ITGB6: variants seen among roughly 807,000 people sequenced by gnomAD.
ITGB6 encodes the protein integrin beta-6.
A neutral mutation model predicts 84.5 loss-of-function variants in ITGB6; 80 were observed. That is an observed-to-expected ratio of 0.95 (90% confidence interval 0.79 to 1.14). The LOEUF (loss-of-function observed/expected upper bound fraction) is 1.14, where lower values mean the gene tolerates loss of function less well. ITGB6 is among the 50% of genes most tolerant of loss of function. The probability of loss-of-function intolerance (pLI) is 0.00; values close to 1 mark genes in which losing one functional copy is unlikely to be tolerated. For missense variants in ITGB6, 1,006 were observed against 968.0 expected (o/e 1.04, Z -0.52); for synonymous variants, 383 against 354.9 (o/e 1.08, Z -0.89).
intron 12 of ITGB6, among the ~76,000 whole-genome samples, chr2:160,114,287 C>A (rs866615981): frequency 6.6e-6 from 1 of 152,126 alleles, no homozygotes; most frequent in Non-Finnish European, 1.5e-5. Context: ...AAATGTGCAA[C>A]GACAGATTTG....
chr2:160,129,891 T>C (rs896043127), intron 10 of ITGB6, among the ~76,000 whole-genome samples: 3 of 152,120 alleles, frequency 2.0e-5, no homozygotes, highest in Admixed American at 1.3e-4. Flanking sequence ...TCTGTAGGTA[T>C]GTGTGTGCAT....
intron 7 of ITGB6, among the ~76,000 whole-genome samples, chr2:160,159,905 T>C (rs989168666): frequency 6.6e-6 from 1 of 152,226 alleles, no homozygotes; most frequent in African/African-American, 2.4e-5. Flanking sequence ...TTCTCGTCTA[T>C]TTCCCCCTAC....
At chr2:160,144,225 G>A (rs1414493469) in intron 7 of ITGB6, among the ~76,000 whole-genome samples, 1 of 152,116 alleles carries the variant, frequency 6.6e-6, no homozygotes, top group African/African-American at 2.4e-5. Context: ...TTAACAGTGT[G>A]AGATGCTGCT....
chr2:160,121,075 A>T (rs1683017637), intron 12 of ITGB6, among the ~76,000 whole-genome samples: 1 of 152,112 alleles, frequency 6.6e-6, no homozygotes, highest in African/African-American at 2.4e-5. Flanking sequence ...ATAAAATTTA[A>T]AAAAAAGAAA....
rs192755648 is a variant in ITGB6 at position 160,172,862 on chromosome 2, C to T, written c.760-132G>A. 4,814 of 602,232 alleles carry T rather than the reference C, an allele frequency of 8.0e-3. 29 individuals are homozygous for T. The highest frequency in any genetic ancestry group is 0.012 in the Non-Finnish European group (4,033 of 347,038). 37.3% of individuals were successfully genotyped at this position (602,232 alleles called of 1,614,324 possible). A position where few individuals can be genotyped will look rare whatever the true frequency, so the allele number is the denominator to read the frequency against. On this transcript the variant is annotated intron_variant, in intron 5 of 14. Transcript: ENST00000283249. ...AGTCTATTTTAGCCTTTTTATCTAT[C>T]GTGAATTGATAATATTAATGTTTTT...
intron 11 of ITGB6, among the ~76,000 whole-genome samples, chr2:160,124,298 T>C (rs1430955524): frequency 6.6e-6 from 1 of 152,254 alleles, no homozygotes; most frequent in Non-Finnish European, 1.5e-5. Context: ...GGTCTATACC[T>C]TAACCAGAAT....
chr2:160,199,104 A>T (rs556878147), intron 2 of ITGB6, 75 bp downstream of exon 2: 1 of 1,242,018 alleles, frequency 8.1e-7, no homozygotes, highest in African/African-American at 1.5e-5. Flanking sequence ...TCACTATCAG[A>T]AATATCACTG....
At chr2:160,181,206 T>C (rs552227095) in intron 4 of ITGB6, among the ~76,000 whole-genome samples, 1 of 152,166 alleles carries the variant, frequency 6.6e-6, no homozygotes, top group East Asian at 1.9e-4. Context: ...CAGATCCCAC[T>C]CTCATGGAGC....
intron 6 of ITGB6, among the ~76,000 whole-genome samples, 159 bp downstream of exon 6, chr2:160,172,408 CTG>C (rs1685240983): frequency 6.6e-6 from 1 of 152,198 alleles, no homozygotes; most frequent in Non-Finnish European, 1.5e-5. Context: ...GTGGGAACCT[CTG>C]AGGATGGTGA....
Position 160,196,456 on chromosome 2 carries a change from G to A in ITGB6, c.142-36C>T, listed in dbSNP as rs549366556. The A allele has an allele frequency of 1.4e-4, 214 of 1,535,818 alleles. No homozygotes were observed. In the African/African-American group the frequency reaches 2.5e-3, roughly 18 times the overall value. Reference sequence around the variant, plus strand: ...AAAAGAAAAACAATAACCAGAAAAAGAAAACAAATCTGAATTTCTTTATAA... The same window carrying A: ...AAAAGAAAAACAATAACCAGAAAAAAAAAACAAATCTGAATTTCTTTATAA... On this transcript the variant is annotated intron_variant, in intron 2 of 14. Coordinates refer to ENST00000283249, the MANE Select transcript of ITGB6 (RefSeq NM_000888.5).
At chr2:160,120,230 T>C (rs1295147738) in intron 12 of ITGB6, among the ~76,000 whole-genome samples, 3 of 151,664 alleles carry the variant, frequency 2.0e-5, no homozygotes, top group Non-Finnish European at 2.9e-5. Flanking sequence ...ATGTTTATTG[T>C]GGCACTATTT....
chr2:160,106,471 T>C (rs1696911112), intron 14 of ITGB6, among the ~76,000 whole-genome samples: 1 of 152,180 alleles, frequency 6.6e-6, no homozygotes, highest in African/African-American at 2.4e-5. Flanking sequence ...TGAGCTCAAG[T>C]GATCCAATCC....
intron 7 of ITGB6, among the ~76,000 whole-genome samples, chr2:160,168,357 G>T (rs1415100144): frequency 6.6e-6 from 1 of 152,146 alleles, no homozygotes; most frequent in Non-Finnish European, 1.5e-5. Context: ...CAAGTTAAGA[G>T]GTCCTTTCAA....
At chr2:160,107,642 T>TC (rs1308687518) in intron 14 of ITGB6, 37 bp downstream of exon 14, 1 of 1,597,974 alleles carries the variant, frequency 6.3e-7, no homozygotes, top group Admixed American at 1.7e-5. Context: ...AGCCTCTTTC[T>TC]CCCCTAGACA....
intron 12 of ITGB6, among the ~76,000 whole-genome samples, chr2:160,122,639 T>C (rs1467536889): frequency 6.6e-6 from 1 of 152,320 alleles, no homozygotes; most frequent in East Asian, 1.9e-4. Context: ...CACACCATTT[T>C]GTCCAATTTA....
chr2:160,111,625 C>T (rs1291015325), intron 13 of ITGB6, among the ~76,000 whole-genome samples: 1 of 139,886 alleles, frequency 7.1e-6, no homozygotes, highest in Non-Finnish European at 1.5e-5. Context: ...GGCAGAGTCT[C>T]ACTCTGTGCA....
chr2:160,110,201 C>G (rs1193755185), intron 13 of ITGB6, among the ~76,000 whole-genome samples: 1 of 152,124 alleles, frequency 6.6e-6, no homozygotes, highest in Admixed American at 6.5e-5. Flanking sequence ...CTCCAACTAG[C>G]TCTGGCACGT....
intron 7 of ITGB6, among the ~76,000 whole-genome samples, chr2:160,144,335 G>A (rs1024881429): frequency 6.6e-6 from 1 of 152,192 alleles, no homozygotes; most frequent in Admixed American, 6.5e-5. Flanking sequence ...TGATGATGGA[G>A]GACCCCCTTT....
At chr2:160,194,570 T>A (rs893325672) in intron 4 of ITGB6, among the ~76,000 whole-genome samples, 6 of 152,138 alleles carry the variant, frequency 3.9e-5, no homozygotes, top group African/African-American at 1.4e-4. Flanking sequence ...AGGGCTGATG[T>A]TATTAAGCTA....
Sources: allele counts gnomAD v4.1 joint callset (sites outside exome capture counted in the v4.1 genomes callset), GRCh38; gene constraint gnomAD v4.1.1; transcripts MANE v1.5; gene names NCBI Gene and HGNC (gene_info 2026-07-23, HGNC 2026-07-21).